Variants in TDRD9 observed in about 807,000 individuals in gnomAD.
The protein encoded by TDRD9 is tudor domain containing 9, also known as ATP-dependent RNA helicase TDRD9.
In TDRD9, 124 loss-of-function variants were observed where a neutral mutation model predicts 172.6. The observed-to-expected ratio is 0.72, with a 90% CI of 0.62 to 0.83. The LOEUF is 0.83. Among genes scored for constraint, TDRD9 ranks in the 40% least tolerant of loss-of-function variants. The pLI is 0.00. For missense variants in TDRD9, 1,479 were observed against 1,714.1 expected, an observed-to-expected ratio of 0.86 and a Z score of 2.42; for synonymous variants, 619 against 617.1, an observed-to-expected ratio of 1.00 and a Z score of -0.05.
chr14:103,934,508 G>A (rs2030621042), intron 1 of TDRD9, among the ~76,000 whole-genome samples: 2 of 152,234 alleles, frequency 1.3e-5, no homozygotes, highest in Non-Finnish European at 2.9e-5. Context: ...GCCGAGCACG[G>A]TGGCTCATGC....
At position 103,997,031 on chromosome 14, in the gene TDRD9, G is replaced by A. The variant is rs1470553459; in HGVS notation, c.1378+1224G>A. 6.6e-6 allele frequency among the ~76,000 whole-genome samples: 1 copy of A among 152,284 alleles called. No homozygotes were observed. Among genetic ancestry groups the A allele is most frequent in the South Asian group, 2.1e-4 (1 of 4,826 alleles). On this transcript the variant is annotated intron_variant, in intron 12 of 35. Coordinates refer to ENST00000409874, the MANE Select transcript of TDRD9 (RefSeq NM_153046.3). This position sits in a 1 kb window ranked among gnomAD's most constrained non-coding sequence, Gnocchi z 5.1. ...GGACCAGTGTGAACGAAGGGGAAAC[G>A]AGCCAGAAGAGAGGCCTGGGGGTAG... is the stretch of plus-strand genomic sequence containing the variant.
intron 23 of TDRD9, among the ~76,000 whole-genome samples, chr14:104,019,422 G>A (rs893295414): frequency 6.6e-6 from 1 of 152,102 alleles, no homozygotes; most frequent in African/African-American, 2.4e-5. Context: ...GAGTGCAGTG[G>A]CACAATCTCG....
chr14:103,986,232 C>T lies in TDRD9; in HGVS notation c.1027C>T (p.Leu343=), dbSNP rs2033655200. The T allele has an allele frequency of 1.9e-6, 3 of 1,612,688 alleles. No homozygotes were observed. Among genetic ancestry groups the T allele is most frequent in the Non-Finnish European group, 2.5e-6 (3 of 1,179,474 alleles). Residue 343 remains leucine (L), a synonymous_variant, in exon 8 of 36, where the codon CTG becomes TTG. Transcript: ENST00000409874. ...CTGTTTTTAGCTCTCTCCTCATCTC[C>T]TGGAGGAACCGGTGATAACTAAGGA... The part of the protein sequence containing the change: ...IHHSKLSPHL[L]EEPVITKDIY...
At chr14:104,040,646 C>T (rs898700593) in intron 33 of TDRD9, among the ~76,000 whole-genome samples, 1 of 152,224 alleles carries the variant, frequency 6.6e-6, no homozygotes, top group Non-Finnish European at 1.5e-5. Context: ...TGCTGTGGGT[C>T]TCATTCCAAG....
chr14:104,006,479 C>T lies in TDRD9; in HGVS notation c.1804C>T (p.Pro602Ser), dbSNP rs2034440989. The T allele has an allele frequency of 6.2e-7, 1 of 1,613,634 alleles. No individual in the cohort carries two copies. The highest frequency in any genetic ancestry group is 8.5e-7 in the Non-Finnish European group (1 of 1,179,698). ...CTTAGGAAGAGTTTTAGCCCAACTTCCTGTAAATCAGCAACTTGGTAAACT... is the reference window on the plus strand; with the variant it reads ...CTTAGGAAGAGTTTTAGCCCAACTTTCTGTAAATCAGCAACTTGGTAAACT... ...TFLGRVLAQL[P>S]VNQQLGKLIV... Residue 602 changes from proline to serine, a missense_variant, in exon 16 of 36, where the codon CCT (proline) becomes TCT (serine). Physicochemically the swap from Pro to Ser is moderately conservative, Grantham distance 74. Coordinates refer to ENST00000409874, the MANE Select transcript of TDRD9 (RefSeq NM_153046.3).
intron 31 of TDRD9, 124 bp downstream of exon 31, chr14:104,034,193 CT>C (rs1555375500): frequency 6.1e-4 from 96 of 158,238 alleles, no homozygotes; most frequent in African/African-American, 2.4e-3. Context: ...CTTTTTTTTT[CT>C]TTTTTTTTTT....
intron 13 of TDRD9, among the ~76,000 whole-genome samples, chr14:104,000,329 CA>C (rs60498436): frequency 0.083 from 10,354 of 125,316 alleles, 343 homozygotes; most frequent in African/African-American, 0.19. Flanking sequence ...AGCCCCGTCT[CA>C]AAAAAAAAAA....
Position 104,006,799 on chromosome 14 carries a change from C to G in TDRD9, c.1961C>G (p.Ser654Cys), listed in dbSNP as rs767786459. Residue 654 changes from serine to cysteine, a missense_variant, in exon 18 of 36, where the codon TCT becomes TGT. Ser to Cys is a moderately radical substitution (Grantham distance 112). Coordinates refer to ENST00000409874, the MANE Select transcript of TDRD9 (RefSeq NM_153046.3). ...LDGYRNKVNF[S>C]GSSKSDCIAL... is the part of the protein sequence containing the mutation. Reference sequence around the variant, plus strand: ...GTTTATAGGAACAAAGTGAATTTCTCTGGCAGTAGCAAGAGTGACTGTATT... The same window carrying G: ...GTTTATAGGAACAAAGTGAATTTCTGTGGCAGTAGCAAGAGTGACTGTATT... 6 of 1,613,504 alleles carry G rather than the reference C, an allele frequency of 3.7e-6. No homozygotes were observed. The highest frequency in any genetic ancestry group is 5.1e-6 in the Non-Finnish European group (6 of 1,179,646).
intron 32 of TDRD9, among the ~76,000 whole-genome samples, chr14:104,036,080 GATTTAA>G (rs2035443639): frequency 6.6e-6 from 1 of 151,734 alleles, no homozygotes; most frequent in African/African-American, 2.4e-5. Context: ...TAAATTTATA[GATTTAA>G]ATTTAAATAG....
chr14:103,966,661 A>C (rs1261645292), intron 4 of TDRD9, 48 bp from the exon 5 acceptor site: 10 of 1,456,464 alleles, frequency 6.9e-6, no homozygotes, highest in South Asian at 1.5e-5. Context: ...AATGGACATA[A>C]CTTTTTTTTT....
At chr14:103,940,980 G>T in intron 1 of TDRD9, 1 of 1,535,420 alleles carries the variant, frequency 6.5e-7, no homozygotes, top group Non-Finnish European at 8.7e-7. Context: ...TGCTCCCTGA[G>T]TCCTCCAGGT....
At chr14:103,953,722 G>T (rs74086783) in intron 1 of TDRD9, among the ~76,000 whole-genome samples, 3,350 of 152,178 alleles carry the variant, frequency 0.022, 141 homozygotes, top group Admixed American at 0.12. Context: ...GTGAATCTCG[G>T]AGCCTGAGGG....
chr14:103,987,123 TACACACACACACACACAC>T (rs143714763), intron 8 of TDRD9, among the ~76,000 whole-genome samples: 41 of 145,800 alleles, frequency 2.8e-4, no homozygotes, highest in Middle Eastern at 7.0e-3. Context: ...AAAAAATATA[TACACACACACACACACAC>T]ACACACACAC....
At chr14:104,034,919 G>A (rs1212877570) in intron 31 of TDRD9, 41 bp from the exon 32 acceptor site, 14 of 1,487,442 alleles carry the variant, frequency 9.4e-6, no homozygotes, top group Middle Eastern at 1.9e-4. Flanking sequence ...CCTGAGCAGC[G>A]TGAGTTAATG....
At chr14:103,994,177 A>G (rs900920722) in intron 9 of TDRD9, among the ~76,000 whole-genome samples, 155 bp from the exon 10 acceptor site, 1 of 152,176 alleles carries the variant, frequency 6.6e-6, no homozygotes, top group East Asian at 1.9e-4. Flanking sequence ...GTGTACTTTT[A>G]CTTGTGTTTC....
At chr14:103,960,856 A>C (rs1446453171) in intron 2 of TDRD9, among the ~76,000 whole-genome samples, 3 of 152,360 alleles carry the variant, frequency 2.0e-5, no homozygotes, top group African/African-American at 7.2e-5. Flanking sequence ...ATATTGTCTA[A>C]GTAACAGGGC....
At chr14:103,961,371 T>C (rs2032499149) in intron 2 of TDRD9, among the ~76,000 whole-genome samples, 1 of 152,136 alleles carries the variant, frequency 6.6e-6, no homozygotes, top group South Asian at 2.1e-4. Context: ...AAGACCAGCC[T>C]GACCAACATG....
chr14:104,001,891 G>A (rs1441690933), intron 13 of TDRD9, among the ~76,000 whole-genome samples: 1 of 152,112 alleles, frequency 6.6e-6, no homozygotes, highest in Admixed American at 6.5e-5. Flanking sequence ...ACAGGCATGA[G>A]CCACTGTGCC....
intron 9 of TDRD9, among the ~76,000 whole-genome samples, chr14:103,993,001 T>G (rs891877667): frequency 1.3e-5 from 2 of 151,518 alleles, no homozygotes; most frequent in Non-Finnish European, 2.9e-5. Context: ...GAAAGGGTCT[T>G]GCTGTGTTCC....
Sources: gnomAD v4.1 joint callset for allele counts (sites outside exome capture counted in the v4.1 genomes callset) on GRCh38, gnomAD v4.1.1 for gene constraint, Gnocchi (gnomAD v3.1) non-coding constraint, MANE v1.5 for transcripts, NCBI Gene and HGNC (gene_info 2026-07-23, HGNC 2026-07-21) for gene names.